The following MAGI2 variants were observed in gnomAD, a reference collection of about 807,000 sequenced individuals.
The protein encoded by MAGI2 is membrane associated guanylate kinase, WW and PDZ domain containing 2, also known as membrane-associated guanylate kinase, WW and PDZ domain-containing protein 2.
Under a neutral mutation model 133.3 loss-of-function variants are expected in MAGI2, and 35 were observed. The ratio of observed to expected loss-of-function variants is 0.26; its 90% CI spans 0.20 to 0.35. The LOEUF (loss-of-function observed/expected upper bound fraction) is 0.35. Among genes scored for constraint, MAGI2 ranks in the 10% least tolerant of loss-of-function variants. The pLI, the probability that MAGI2 is intolerant of heterozygous loss-of-function variation, is 1.00. For synonymous variants in MAGI2, 729 were observed against 710.6 expected, an observed-to-expected ratio of 1.03 and a Z score of -0.41; for missense variants, 1,636 against 1,863.4, an observed-to-expected ratio of 0.88 and a Z score of 2.25.
chr7:79,065,552 C>CA (rs1220248259), intron 1 of MAGI2, among the ~76,000 whole-genome samples: 1 of 151,492 alleles, frequency 6.6e-6, no homozygotes, highest in Non-Finnish European at 1.5e-5. Flanking sequence ...TATATAATAC[C>CA]AAAAAAGCAA....
chr7:78,704,421 C>A (rs867000910), intron 2 of MAGI2, among the ~76,000 whole-genome samples: 8 of 151,950 alleles, frequency 5.3e-5, no homozygotes, highest in Admixed American at 3.3e-4. Flanking sequence ...AAAAATAACA[C>A]GCTAGTGAAG....
chr7:78,987,044 G>A (rs1208221938), intron 2 of MAGI2, among the ~76,000 whole-genome samples: 1 of 151,938 alleles, frequency 6.6e-6, no homozygotes, highest in Admixed American at 6.6e-5. Flanking sequence ...CAAATTAAGA[G>A]AACTTGCTAT....
chr7:78,816,087 A>G (rs1195026131), intron 2 of MAGI2, among the ~76,000 whole-genome samples: 1 of 152,224 alleles, frequency 6.6e-6, no homozygotes, highest in Non-Finnish European at 1.5e-5. Context: ...CACAGAAGTG[A>G]TAAGAAAGCA....
At chr7:78,252,658 T>A (rs537550113) in intron 10 of MAGI2, 136 of 151,478 alleles carry the variant, frequency 9.0e-4, no homozygotes, top group Middle Eastern at 6.8e-3. Flanking sequence ...AAAAAAAACT[T>A]GGGCCAGGCA....
chr7:78,289,420 G>A, intron 9 of MAGI2, among the ~76,000 whole-genome samples: 1 of 152,040 alleles, frequency 6.6e-6, no homozygotes, highest in East Asian at 1.9e-4. Context: ...AGTAAAAAAT[G>A]AACAAAGCCT....
chr7:78,800,254 G>A (rs189257341), intron 2 of MAGI2, among the ~76,000 whole-genome samples: 112 of 152,164 alleles, frequency 7.4e-4, no homozygotes, highest in African/African-American at 2.4e-3. Flanking sequence ...GTGGTATTGG[G>A]CAAACAAAGC....
chr7:79,255,034 C>T (rs1280991402), intron 1 of MAGI2, among the ~76,000 whole-genome samples: 2 of 152,120 alleles, frequency 1.3e-5, no homozygotes, highest in African/African-American at 4.8e-5. Flanking sequence ...GACTTTAATA[C>T]TTCTCAAATT....
intron 1 of MAGI2, among the ~76,000 whole-genome samples, chr7:79,087,476 A>G (rs1446295551): frequency 6.6e-6 from 1 of 152,030 alleles, no homozygotes; most frequent in Non-Finnish European, 1.5e-5. Context: ...TATAATGAAT[A>G]TAAAATTATA....
chr7:79,309,995 A>AAAAGG (rs1188717959), intron 1 of MAGI2, among the ~76,000 whole-genome samples: 1 of 134,022 alleles, frequency 7.5e-6, no homozygotes, highest in Non-Finnish European at 1.7e-5. Flanking sequence ...AAAAGAAAAG[A>AAAAGG]AAGAAAGAAT....
At chr7:78,413,843 T>C (rs1265200573) in intron 6 of MAGI2, among the ~76,000 whole-genome samples, 1 of 152,058 alleles carries the variant, frequency 6.6e-6, no homozygotes, top group East Asian at 1.9e-4. Context: ...GAAAATCTCC[T>C]ATAACTGTTT....
intron 20 of MAGI2, among the ~76,000 whole-genome samples, chr7:78,083,589 C>G (rs1484588150): frequency 1.3e-5 from 2 of 152,118 alleles, no homozygotes; most frequent in African/African-American, 2.4e-5. Flanking sequence ...GGAAGAAATA[C>G]TTTTATCTGT....
chr7:79,345,494 A>G (rs66510265), intron 1 of MAGI2, among the ~76,000 whole-genome samples: 46,862 of 151,936 alleles, frequency 0.31, 7,511 homozygotes, highest in Admixed American at 0.38. Flanking sequence ...CAGTCCGAGC[A>G]TACTAATGCA....
At chr7:79,214,401 CTCTCTCTA>C (rs1158985099) in intron 1 of MAGI2, among the ~76,000 whole-genome samples, 305 of 55,944 alleles carry the variant, frequency 5.5e-3, no homozygotes, top group Non-Finnish European at 6.1e-3. Flanking sequence ...CTCTCTCTCT[CTCTCTCTA>C]TATATATATA....
intron 3 of MAGI2, among the ~76,000 whole-genome samples, chr7:78,602,479 T>A (rs1805310728): frequency 6.6e-6 from 1 of 151,636 alleles, no homozygotes; most frequent in South Asian, 2.1e-4. Context: ...TTCTTTTTCT[T>A]CTTTCAGAAG....
At chr7:78,825,809 A>G (rs1790575901) in intron 2 of MAGI2, among the ~76,000 whole-genome samples, 1 of 152,150 alleles carries the variant, frequency 6.6e-6, no homozygotes, top group South Asian at 2.1e-4. Flanking sequence ...GCCACTGGTC[A>G]CCTTGTTTCT....
chr7:79,097,995 G>A (rs1384260269), intron 1 of MAGI2, among the ~76,000 whole-genome samples: 29 of 152,074 alleles, frequency 1.9e-4, no homozygotes, highest in Non-Finnish European at 1.5e-5. Flanking sequence ...GGTGGCACAC[G>A]CCTGTACTCC....
chr7:78,191,600 G>A (rs1281060112), intron 12 of MAGI2, among the ~76,000 whole-genome samples: 1 of 152,218 alleles, frequency 6.6e-6, no homozygotes, highest in Non-Finnish European at 1.5e-5. Flanking sequence ...GGAGCCTGGA[G>A]TTGCCACCTC....
intron 2 of MAGI2, among the ~76,000 whole-genome samples, chr7:78,763,373 T>A: frequency 6.6e-6 from 1 of 152,312 alleles, no homozygotes; most frequent in African/African-American, 2.4e-5. Context: ...TTTCATATAC[T>A]ACTAGCCAAT....
intron 2 of MAGI2, among the ~76,000 whole-genome samples, chr7:78,668,110 T>C (rs1324930413): frequency 2.6e-5 from 4 of 152,310 alleles, no homozygotes; most frequent in South Asian, 2.1e-4. Flanking sequence ...TGGTATCTCA[T>C]TGTGGTTTTG....
Sources: gnomAD v4.1 joint callset for allele counts (sites outside exome capture counted in the v4.1 genomes callset) on GRCh38, gnomAD v4.1.1 for gene constraint, MANE v1.5 for transcripts, NCBI Gene and HGNC (gene_info 2026-07-23, HGNC 2026-07-21) for gene names.